The following STXBP5L variants were observed in gnomAD, a reference collection of about 807,000 sequenced individuals.
STXBP5L encodes the protein syntaxin binding protein 5L.
In STXBP5L, 65 loss-of-function variants were observed where a neutral mutation model predicts 144.5. The ratio of observed to expected loss-of-function variants is 0.45; its 90% CI spans 0.37 to 0.55. The LOEUF (loss-of-function observed/expected upper bound fraction) is 0.55, where lower values mean the gene tolerates loss of function less well. Among genes scored for constraint, STXBP5L ranks in the 20% least tolerant of loss-of-function variants. The probability of loss-of-function intolerance (pLI) is 0.00; values close to 1 mark genes in which losing one functional copy is unlikely to be tolerated. For missense variants in STXBP5L, 1,298 were observed against 1,405.5 expected, an observed-to-expected ratio of 0.92 and a Z score of 1.22; for synonymous variants, 505 against 469.6, an observed-to-expected ratio of 1.08 and a Z score of -0.97.
chr3:121,394,752 C>T (rs1231888132), intron 22 of STXBP5L, among the ~76,000 whole-genome samples: 1 of 151,670 alleles, frequency 6.6e-6, no homozygotes, highest in Non-Finnish European at 1.5e-5. Flanking sequence ...CTACAGGCGC[C>T]CGCCACCACG....
chr3:121,222,091 T>C (rs2048990799), intron 10 of STXBP5L, among the ~76,000 whole-genome samples: 1 of 152,064 alleles, frequency 6.6e-6, no homozygotes, highest in African/African-American at 2.4e-5. Context: ...AATAAAAGCC[T>C]CTAGGTCTTT....
intron 9 of STXBP5L, among the ~76,000 whole-genome samples, chr3:121,191,192 T>A (rs1192854179): frequency 6.6e-6 from 1 of 152,074 alleles, no homozygotes; most frequent in Admixed American, 6.5e-5. Context: ...GGCAGGCGGC[T>A]GGCAGGTGGA....
At chr3:121,015,754 C>A (rs1024560563) in intron 3 of STXBP5L, among the ~76,000 whole-genome samples, 1 of 152,104 alleles carries the variant, frequency 6.6e-6, no homozygotes, top group African/African-American at 2.4e-5. Context: ...AAAGGCTTTA[C>A]TAGAGCCTTA....
intron 10 of STXBP5L, among the ~76,000 whole-genome samples, chr3:121,219,025 C>G (rs1298683206): frequency 6.6e-6 from 1 of 152,014 alleles, no homozygotes; most frequent in Non-Finnish European, 1.5e-5. Flanking sequence ...TAATTTTTTG[C>G]TAGTCAATAA....
intron 7 of STXBP5L, among the ~76,000 whole-genome samples, chr3:121,142,415 T>C (rs1272724664): frequency 6.6e-6 from 1 of 151,986 alleles, no homozygotes; most frequent in Non-Finnish European, 1.5e-5. Context: ...ACTTAACATA[T>C]ATACAGAACT....
chr3:121,089,438 G>A (rs1213039808), intron 5 of STXBP5L, among the ~76,000 whole-genome samples: 1 of 151,226 alleles, frequency 6.6e-6, no homozygotes, highest in East Asian at 1.9e-4. Context: ...CTTCCTCCTG[G>A]TCTCTGTGGT....
intron 19 of STXBP5L, among the ~76,000 whole-genome samples, chr3:121,287,126 C>G (rs890203461): frequency 3.3e-5 from 5 of 152,286 alleles, no homozygotes; most frequent in Admixed American, 2.6e-4. Context: ...GGAAACAGTG[C>G]CCAACACTCA....
chr3:121,179,830 A>G (rs1215768598), intron 9 of STXBP5L, among the ~76,000 whole-genome samples: 2 of 152,182 alleles, frequency 1.3e-5, no homozygotes, highest in East Asian at 1.9e-4. Context: ...CAAGTAGAAG[A>G]AAGAACTTCA....
intron 3 of STXBP5L, among the ~76,000 whole-genome samples, chr3:121,034,970 G>A (rs1268584398): frequency 6.6e-6 from 1 of 152,080 alleles, no homozygotes; most frequent in Non-Finnish European, 1.5e-5. Context: ...AATGAATAGT[G>A]TTGTAGAGCA....
chr3:120,995,099 G>T (rs1361710088), intron 3 of STXBP5L, among the ~76,000 whole-genome samples: 1 of 152,114 alleles, frequency 6.6e-6, no homozygotes, highest in Admixed American at 6.6e-5. Context: ...ATATTTTAGG[G>T]ATTAAGTCTG....
At chr3:121,003,342 C>T (rs1421339660) in intron 3 of STXBP5L, among the ~76,000 whole-genome samples, 3 of 152,192 alleles carry the variant, frequency 2.0e-5, no homozygotes, top group Non-Finnish European at 4.4e-5. Flanking sequence ...CTTTTGGCTG[C>T]ATAAATGTCT....
rs955069901 is a variant in STXBP5L, at chr3:121,248,365, T to C, written c.1401-2358T>C. Among the ~76,000 whole-genome samples the C allele has an allele frequency of 2.6e-5, 4 of 152,056 alleles. No homozygotes were observed. The South Asian group carries it at 6.2e-4, about 24-fold the overall frequency. ...AGGCATGAGCCACCGTGCCTGGCCATGTTTTGATTTTCATTTCTCTAATGA... is the reference window on the plus strand; with the variant it reads ...AGGCATGAGCCACCGTGCCTGGCCACGTTTTGATTTTCATTTCTCTAATGA... On this transcript the variant is annotated intron_variant, in intron 14 of 26. Transcript: ENST00000471454.
At chr3:121,331,060 T>C (rs76884048) in intron 20 of STXBP5L, among the ~76,000 whole-genome samples, 4 of 152,224 alleles carry the variant, frequency 2.6e-5, no homozygotes, top group Non-Finnish European at 4.4e-5. Flanking sequence ...AAGAGCAGCA[T>C]TCACAGTAGT....
chr3:120,932,882 T>C (rs1399888561), intron 2 of STXBP5L, among the ~76,000 whole-genome samples: 4 of 151,872 alleles, frequency 2.6e-5, no homozygotes, highest in Admixed American at 2.6e-4. Flanking sequence ...AAATGATGAG[T>C]TCATGTCCTT....
chr3:120,924,296 G>T lies in STXBP5L; in HGVS notation c.189+14529G>T, dbSNP rs965508305. On this transcript the variant is annotated intron_variant, in intron 2 of 26. Transcript: ENST00000471454. ...AACAGTCAAATTCATGTGAATGAAT[G>T]CTAGAGGGCAAAATATTTTAAAGTA... Among the ~76,000 whole-genome samples the T allele has an allele frequency of 9.9e-5, 15 of 152,232 alleles. 1 individual carries two copies. Among genetic ancestry groups the T allele is most frequent in the East Asian group, 3.9e-4 (2 of 5,182 alleles).
chr3:121,223,540 C>G (rs559703229), intron 11 of STXBP5L, among the ~76,000 whole-genome samples: 3 of 152,262 alleles, frequency 2.0e-5, no homozygotes, highest in Admixed American at 6.5e-5. Context: ...TACCTGATAT[C>G]AGTAATCTGT....
intron 20 of STXBP5L, among the ~76,000 whole-genome samples, chr3:121,377,156 C>T (rs2046207946): frequency 1.3e-5 from 2 of 152,124 alleles, no homozygotes; most frequent in African/African-American, 4.8e-5. Context: ...TCTAAATATA[C>T]AATCATGTCA....
chr3:121,328,798 A>T (rs1046780229), intron 20 of STXBP5L, among the ~76,000 whole-genome samples: 1 of 152,088 alleles, frequency 6.6e-6, no homozygotes, highest in Non-Finnish European at 1.5e-5. Flanking sequence ...AATGCTAGGA[A>T]ACCTACCATG....
At chr3:121,173,323 T>TATAATA (rs35583909) in intron 9 of STXBP5L, among the ~76,000 whole-genome samples, 8,218 of 146,464 alleles carry the variant, frequency 0.056, 267 homozygotes, top group Non-Finnish European at 0.075. Flanking sequence ...GAACTTAAAA[T>TATAATA]ATAATAATAA....
Sources: allele counts gnomAD v4.1 joint callset (sites outside exome capture counted in the v4.1 genomes callset), GRCh38; gene constraint gnomAD v4.1.1; transcripts MANE v1.5; gene names NCBI Gene and HGNC (gene_info 2026-07-23, HGNC 2026-07-21).